The following DISP1 variants were observed in gnomAD, a reference collection of about 807,000 sequenced individuals.
DISP1 encodes dispatched RND transporter family member 1.
A neutral mutation model predicts 37.3 loss-of-function variants in DISP1; 30 were observed. That is an observed-to-expected ratio of 0.80 (90% CI 0.60 to 1.09). The LOEUF (loss-of-function observed/expected upper bound fraction) is 1.09, where lower values mean the gene tolerates loss of function less well. Ranked by LOEUF, DISP1 falls within the 50% of genes least tolerant of loss-of-function variation. DISP1 has a pLI of 0.00. For synonymous variants in DISP1, 634 were observed against 690.2 expected, an observed-to-expected ratio of 0.92 and a Z score of 1.28; for missense variants, 1,598 against 1,879.5, an observed-to-expected ratio of 0.85 and a Z score of 2.77.
At chr1:222,980,910 T>C (rs913618627) in intron 3 of DISP1, among the ~76,000 whole-genome samples, 1 of 152,136 alleles carries the variant, frequency 6.6e-6, no homozygotes, top group African/African-American at 2.4e-5. Context: ...AAACCCCATC[T>C]CTACTAAAAA....
chr1:222,926,547 C>T (rs1673094786), intron 1 of DISP1, among the ~76,000 whole-genome samples: 2 of 152,132 alleles, frequency 1.3e-5, no homozygotes, highest in Non-Finnish European at 2.9e-5. Context: ...AGACTCTGGT[C>T]ACATTTTCAT....
intron 1 of DISP1, among the ~76,000 whole-genome samples, chr1:222,874,282 T>C (rs202241261): frequency 0.064 from 9,763 of 152,212 alleles, 461 homozygotes; most frequent in East Asian, 0.24. Context: ...GGAGTATCTT[T>C]GTGGCGTTCT....
At chr1:222,897,339 G>C (rs761430690) in intron 1 of DISP1, among the ~76,000 whole-genome samples, 1 of 152,120 alleles carries the variant, frequency 6.6e-6, no homozygotes, top group African/African-American at 2.4e-5. Context: ...ACTACAGAGG[G>C]TTACAAGAGA....
intron 3 of DISP1, among the ~76,000 whole-genome samples, chr1:222,971,362 T>C (rs1438374282): frequency 6.6e-6 from 1 of 151,862 alleles, no homozygotes; most frequent in African/African-American, 2.4e-5. Flanking sequence ...TTGGAGTTCA[T>C]TTTGATACAG....
intron 8 of DISP1, among the ~76,000 whole-genome samples, chr1:222,999,066 T>C (rs559648518): frequency 6.6e-6 from 1 of 152,274 alleles, no homozygotes; most frequent in African/African-American, 2.4e-5. Context: ...ACTTAGCCAA[T>C]AGTTTTAAAA....
At chr1:222,880,860 AG>A in intron 1 of DISP1, among the ~76,000 whole-genome samples, 1 of 152,180 alleles carries the variant, frequency 6.6e-6, no homozygotes, top group Middle Eastern at 3.4e-3. Flanking sequence ...TAGGAGTTCA[AG>A]ACCAGCCTGG....
chr1:222,823,305 A>G (rs2125160712), intron 1 of DISP1, among the ~76,000 whole-genome samples: 1 of 152,314 alleles, frequency 6.6e-6, no homozygotes, highest in African/African-American at 2.4e-5. Flanking sequence ...ATGACTAGAT[A>G]AAGAAAATGT....
At chr1:222,952,398 T>G (rs1675286188) in intron 3 of DISP1, among the ~76,000 whole-genome samples, 1 of 152,336 alleles carries the variant, frequency 6.6e-6, no homozygotes, top group East Asian at 1.9e-4. Context: ...CTTTTCAATG[T>G]CCATGGCAGC....
chr1:222,850,407 C>T (rs1431511927), intron 1 of DISP1, among the ~76,000 whole-genome samples: 2 of 150,416 alleles, frequency 1.3e-5, no homozygotes, highest in African/African-American at 4.8e-5. Context: ...AATTTTCCAT[C>T]CTCCAACTGC....
intron 1 of DISP1, chr1:222,872,335 T>C (rs569362997): frequency 6.6e-6 from 1 of 152,368 alleles, no homozygotes; most frequent in Admixed American, 6.5e-5. Flanking sequence ...CTTTTTCTAT[T>C]GATTGGAATA....
intron 1 of DISP1, among the ~76,000 whole-genome samples, chr1:222,815,501 C>T (rs1480343880): frequency 1.3e-5 from 2 of 152,258 alleles, no homozygotes; most frequent in East Asian, 1.9e-4. Flanking sequence ...CAGTCCTTCT[C>T]TGAGGGTCGT....
chr1:222,840,532 A>G (rs1430923345), intron 1 of DISP1, among the ~76,000 whole-genome samples: 1 of 146,302 alleles, frequency 6.8e-6, no homozygotes, highest in Non-Finnish European at 1.5e-5. Context: ...GTGAGCCACC[A>G]TGCCTGGCCA....
At chr1:222,913,832 A>C (rs1672342276) in intron 1 of DISP1, among the ~76,000 whole-genome samples, 1 of 152,094 alleles carries the variant, frequency 6.6e-6, no homozygotes, top group Admixed American at 6.6e-5. Flanking sequence ...TTTGAGATTC[A>C]AACTCCTTGT....
intron 1 of DISP1, among the ~76,000 whole-genome samples, chr1:222,847,639 A>G (rs537200196): frequency 1.3e-3 from 193 of 151,918 alleles, no homozygotes; most frequent in African/African-American, 4.3e-3. Context: ...CTTGTTTGCA[A>G]TTCCCTCCTC....
chr1:222,984,542 TGATA>T (rs1338808995), intron 4 of DISP1, among the ~76,000 whole-genome samples: 5 of 150,608 alleles, frequency 3.3e-5, no homozygotes, highest in East Asian at 1.9e-4. Context: ...CAGGTTTATA[TGATA>T]GATATAACAT....
chr1:222,955,574 C>T (rs1334716462), intron 3 of DISP1, among the ~76,000 whole-genome samples: 1 of 152,108 alleles, frequency 6.6e-6, no homozygotes, highest in Non-Finnish European at 1.5e-5. Flanking sequence ...CCCATACAAC[C>T]CTTCTGTTTT....
intron 1 of DISP1, among the ~76,000 whole-genome samples, chr1:222,817,304 A>G (rs1305870057): frequency 6.6e-6 from 1 of 152,246 alleles, no homozygotes; most frequent in Non-Finnish European, 1.5e-5. Context: ...AAATATGTAC[A>G]GTGTCTGTAT....
intron 1 of DISP1, among the ~76,000 whole-genome samples, chr1:222,872,118 G>T (rs1379260207): frequency 1.2e-4 from 18 of 152,194 alleles, no homozygotes; most frequent in Non-Finnish European, 2.4e-4. Flanking sequence ...AATCAGCCTT[G>T]CATCCCAGGG....
chr1:222,883,026 TC>T (rs1287885773), intron 1 of DISP1, among the ~76,000 whole-genome samples: 2 of 152,146 alleles, frequency 1.3e-5, no homozygotes, highest in East Asian at 3.8e-4. Flanking sequence ...ATAGTACTAG[TC>T]ATAAAAGAAA....
Sources: gnomAD v4.1 joint callset for allele counts (sites outside exome capture counted in the v4.1 genomes callset) on GRCh38, gnomAD v4.1.1 for gene constraint, MANE v1.5 for transcripts, NCBI Gene and HGNC (gene_info 2026-07-23, HGNC 2026-07-21) for gene names.